The following GLIS3 variants were observed in gnomAD, a reference collection of about 807,000 sequenced individuals.
The protein encoded by GLIS3 is GLIS family zinc finger 3, also known as zinc finger protein GLIS3.
In GLIS3, 53 loss-of-function variants were observed where a neutral mutation model predicts 78.6. The ratio of observed to expected loss-of-function variants is 0.67; its 90% CI spans 0.54 to 0.85. The LOEUF (loss-of-function observed/expected upper bound fraction) is 0.85. Ranked by LOEUF, GLIS3 falls within the 40% of genes least tolerant of loss-of-function variation. The probability of loss-of-function intolerance (pLI) is 0.00; values close to 1 mark genes in which losing one functional copy is unlikely to be tolerated. For missense variants in GLIS3, 1,703 were observed against 1,231.1 expected (o/e 1.38, Z -5.74); for synonymous variants, 684 against 509.9 (o/e 1.34, Z -4.60).
chr9:4,414,626 G>A, the GLIS3 span, among the ~76,000 whole-genome samples: 2 of 151,956 alleles, frequency 1.3e-5, no homozygotes, highest in South Asian at 2.1e-4. Flanking sequence ...ACTTTTTTGG[G>A]TAACAAGGAT....
chr9:4,118,988 T>TC lies in GLIS3; in HGVS notation c.597-108dup. On this transcript the variant is annotated intron_variant, in intron 3 of 10. Transcript: ENST00000381971. The surrounding 1 kb of genome is among the most constrained non-coding windows in gnomAD (Gnocchi z 4.7). ...CTGCATTGACAATCCCTTAAGTATT[T>TC]CCCCTAATTACATTCTGTGCTAAAC... is the stretch of plus-strand genomic sequence containing the variant. The TC allele has an allele frequency of 8.5e-7, 1 of 1,178,872 alleles. No individual in the cohort carries two copies. The allele number at this position is 1,178,872 out of a possible 1,614,324, so 73.0% of individuals were successfully genotyped here.
intron 6 of GLIS3, among the ~76,000 whole-genome samples, chr9:3,919,185 A>G (rs968113101): frequency 6.6e-6 from 1 of 152,340 alleles, no homozygotes; most frequent in Non-Finnish European, 1.5e-5. Context: ...AGAGGCCACT[A>G]TAGAATTCAT....
chr9:4,313,612 G>A (rs1563929649), intron 2 of GLIS3, among the ~76,000 whole-genome samples: 1 of 152,074 alleles, frequency 6.6e-6, no homozygotes, highest in Non-Finnish European at 1.5e-5. Context: ...TTTCTCTCTG[G>A]CAGTATCCCC....
intron 2 of GLIS3, among the ~76,000 whole-genome samples, chr9:4,234,353 T>G (rs1822528246): frequency 6.6e-6 from 1 of 152,212 alleles, no homozygotes. Flanking sequence ...TCTAGGGTTA[T>G]TAATTGGCTT....
chr9:4,405,102 C>T, the GLIS3 span, among the ~76,000 whole-genome samples: 4 of 152,100 alleles, frequency 2.6e-5, no homozygotes, highest in African/African-American at 7.2e-5. Flanking sequence ...TGCCTGTAAT[C>T]CCAGCACTTT....
the GLIS3 span, among the ~76,000 whole-genome samples, chr9:4,422,500 C>T: frequency 9.2e-5 from 14 of 152,216 alleles, no homozygotes; most frequent in Admixed American, 9.2e-4. Flanking sequence ...CTAGTGGGAT[C>T]CACCTGGATT....
intron 9 of GLIS3, among the ~76,000 whole-genome samples, chr9:3,855,013 G>A (rs1819674299): frequency 6.6e-6 from 1 of 152,202 alleles, no homozygotes. Flanking sequence ...TCAGCAAGAG[G>A]CAGGTAGAGG....
the GLIS3 span, among the ~76,000 whole-genome samples, chr9:4,447,814 T>C: frequency 6.6e-6 from 1 of 152,256 alleles, no homozygotes; most frequent in South Asian, 2.1e-4. Context: ...AGCCCAGTCC[T>C]CTGTTCAAAA....
intron 4 of GLIS3, among the ~76,000 whole-genome samples, chr9:4,065,592 G>C (rs1014800604): frequency 5.9e-5 from 9 of 152,146 alleles, no homozygotes; most frequent in Admixed American, 1.3e-4. Context: ...ATGAAAAACA[G>C]CACTGTTATG....
At chr9:4,409,420 T>C in the GLIS3 span, among the ~76,000 whole-genome samples, 137 of 152,172 alleles carry the variant, frequency 9.0e-4, no homozygotes, top group Non-Finnish European at 3.8e-4. Context: ...AGATATATTA[T>C]CTAAAATATT....
intron 2 of GLIS3, among the ~76,000 whole-genome samples, chr9:4,254,391 A>G (rs1191210754): frequency 1.3e-5 from 2 of 152,266 alleles, no homozygotes; most frequent in Non-Finnish European, 2.9e-5. Flanking sequence ...AAGACTGAAT[A>G]GAGACATATA....
intron 4 of GLIS3, among the ~76,000 whole-genome samples, chr9:3,939,431 T>C (rs1826081769): frequency 6.6e-6 from 1 of 152,206 alleles, no homozygotes; most frequent in East Asian, 1.9e-4. Flanking sequence ...ACTTGAATAT[T>C]CAGCTAAAAC....
intron 2 of GLIS3, among the ~76,000 whole-genome samples, chr9:4,317,637 C>A (rs1197935827): frequency 6.6e-6 from 1 of 152,144 alleles, no homozygotes; most frequent in Non-Finnish European, 1.5e-5. Context: ...GTCATAGATT[C>A]TAAATGTATC....
intron 4 of GLIS3, among the ~76,000 whole-genome samples, chr9:4,016,394 G>A (rs1296468511): frequency 6.6e-6 from 1 of 152,136 alleles, no homozygotes; most frequent in Non-Finnish European, 1.5e-5. Context: ...TAAGTTTTGT[G>A]ATTCCTTTAC....
intron 4 of GLIS3, among the ~76,000 whole-genome samples, chr9:3,972,818 C>T (rs553162579): frequency 2.6e-4 from 40 of 152,248 alleles, no homozygotes; most frequent in Admixed American, 1.3e-3. Flanking sequence ...AGAGAGACTT[C>T]GCTTATAGAA....
At chr9:4,089,935 TCAGA>T (rs1283901698) in intron 4 of GLIS3, among the ~76,000 whole-genome samples, 3 of 152,172 alleles carry the variant, frequency 2.0e-5, no homozygotes, top group Admixed American at 1.3e-4. Flanking sequence ...TTATTTTTGT[TCAGA>T]CAAAGTGGTG....
intron 2 of GLIS3, among the ~76,000 whole-genome samples, chr9:4,135,699 C>T (rs918566917): frequency 6.6e-6 from 1 of 152,130 alleles, no homozygotes; most frequent in African/African-American, 2.4e-5. Context: ...CCTCTTTTCT[C>T]AAATGGGAGA....
chr9:4,137,545 G>A (rs1833489577), intron 2 of GLIS3, among the ~76,000 whole-genome samples: 1 of 151,614 alleles, frequency 6.6e-6, no homozygotes, highest in South Asian at 2.1e-4. Context: ...TCCTGTGCAT[G>A]GAGCCTCAAT....
At chr9:3,833,194 C>T (rs903834374) in intron 9 of GLIS3, among the ~76,000 whole-genome samples, 2 of 152,136 alleles carry the variant, frequency 1.3e-5, no homozygotes, top group African/African-American at 4.8e-5. Flanking sequence ...ACCAGAATGG[C>T]CCCACAAGCA....
Sources: allele counts gnomAD v4.1 joint callset (sites outside exome capture counted in the v4.1 genomes callset), GRCh38; gene constraint gnomAD v4.1.1; non-coding constraint Gnocchi (gnomAD v3.1); transcripts MANE v1.5; gene names NCBI Gene and HGNC (gene_info 2026-07-23, HGNC 2026-07-21).